Variants in PCDHA7 observed in about 807,000 individuals in gnomAD.
PCDHA7 encodes the protein protocadherin alpha-7.
A neutral mutation model predicts 57.2 loss-of-function variants in PCDHA7; 37 were observed. The observed-to-expected ratio is 0.65, with a 90% CI of 0.50 to 0.85. The LOEUF is 0.85. Ranked by LOEUF, PCDHA7 falls within the 40% of genes least tolerant of loss-of-function variation. The pLI, the probability that PCDHA7 is intolerant of heterozygous loss-of-function variation, is 0.00. For missense variants in PCDHA7, 1,188 were observed against 1,241.8 expected (o/e 0.96, Z 0.65); for synonymous variants, 553 against 558.8 (o/e 0.99, Z 0.15).
chr5:140,876,555 G>C (rs782622293), intron 1 of PCDHA7: 1 of 1,614,072 alleles, frequency 6.2e-7, no homozygotes, highest in African/African-American at 1.3e-5. Context: ...CTGTGCAAGA[G>C]GATGCTCAGG....
intron 1 of PCDHA7, chr5:140,870,518 A>G: frequency 6.2e-7 from 1 of 1,614,230 alleles, no homozygotes; most frequent in Admixed American, 1.7e-5. Context: ...CCAGGCTGCC[A>G]CATCTTCACA....
At chr5:140,901,716 G>A (rs555901106) in intron 1 of PCDHA7, among the ~76,000 whole-genome samples, 1 of 152,176 alleles carries the variant, frequency 6.6e-6, no homozygotes, top group South Asian at 2.1e-4. Flanking sequence ...TTTTCAGATT[G>A]TCTTTTCTAT....
At chr5:140,863,966 A>G (rs1411552186) in intron 1 of PCDHA7, 1 of 154,822 alleles carries the variant, frequency 6.5e-6, no homozygotes, top group Non-Finnish European at 1.4e-5. Context: ...AGGCCACTGC[A>G]CTACAGCCTG....
intron 1 of PCDHA7, chr5:140,841,926 G>C (rs1490008187): frequency 6.2e-7 from 1 of 1,613,806 alleles, no homozygotes; most frequent in African/African-American, 1.3e-5. Context: ...TCCTTGGACA[G>C]AGAGGACGCT....
At position 140,877,671 on chromosome 5, in the gene PCDHA7, G is replaced by T. The variant is rs138162923; in HGVS notation, c.2355+40933G>T. 2.5e-6 allele frequency: 4 copies of T among 1,613,620 alleles called. No individual in the cohort carries two copies. The South Asian group carries it at 3.3e-5, about 13-fold the overall frequency. On this transcript the variant is annotated intron_variant, in intron 1 of 3. Coordinates refer to ENST00000525929, the MANE Select transcript of PCDHA7 (RefSeq NM_018910.3). ...CGCCGCCCACCGTGAGCCGGTGCGC[G>T]CCGGGCAAGCCCACGCTGGTGTGCT...
chr5:140,886,603 G>A lies in PCDHA7; in HGVS notation c.2355+49865G>A, dbSNP rs781862855. Among the ~76,000 whole-genome samples, 8 of 152,090 alleles carry A rather than the reference G, an allele frequency of 5.3e-5. No individual in the cohort carries two copies. The East Asian group carries it at 1.2e-3, about 22-fold the overall frequency. ...AGCACTTTGGGAGGCCAAGGTGGGCGGATCAGGAGATCAGGAGTCCGAGAC... is the reference window on the plus strand; with the variant it reads ...AGCACTTTGGGAGGCCAAGGTGGGCAGATCAGGAGATCAGGAGTCCGAGAC... On this transcript the variant is annotated intron_variant, in intron 1 of 3. Coordinates refer to ENST00000525929, the MANE Select transcript of PCDHA7 (RefSeq NM_018910.3).
rs2150278849 is a variant in PCDHA7 at position 140,837,698 on chromosome 5, C to T, written c.2355+960C>T. ...CTTTTTTCTTTCTTCTTTCAAGACA[C>T]GCTCTCACTCCATCACCCAGGCTGC... On this transcript the variant is annotated intron_variant, in intron 1 of 3. Coordinates refer to ENST00000525929, the MANE Select transcript of PCDHA7 (RefSeq NM_018910.3). Among the ~76,000 whole-genome samples, 9 of 151,044 alleles carry T rather than the reference C, an allele frequency of 6.0e-5. No homozygotes were observed. In the East Asian group the frequency reaches 7.8e-4, roughly 13 times the overall value.
intron 3 of PCDHA7, among the ~76,000 whole-genome samples, chr5:140,983,431 G>T (rs947907651): frequency 5.3e-5 from 8 of 152,198 alleles, no homozygotes; most frequent in African/African-American, 1.9e-4. Flanking sequence ...ACCACAAATT[G>T]TGTCTACTCT....
chr5:140,839,939 G>T (rs1015505565), intron 1 of PCDHA7, among the ~76,000 whole-genome samples: 3 of 151,962 alleles, frequency 2.0e-5, no homozygotes, highest in Non-Finnish European at 4.4e-5. Context: ...AGTGTGCCAA[G>T]AAGGAGACAA....
At chr5:140,866,852 C>T (rs1004486221) in intron 1 of PCDHA7, 1 of 152,106 alleles carries the variant, frequency 6.6e-6, no homozygotes, top group Non-Finnish European at 1.5e-5. Flanking sequence ...TTAACAATAA[C>T]TGTATTGAAA....
chr5:140,966,166 C>T (rs1159533172), intron 1 of PCDHA7: 1 of 179,138 alleles, frequency 5.6e-6, no homozygotes, highest in Non-Finnish European at 1.2e-5. Flanking sequence ...GAGATCTTTT[C>T]CTGGGGAGCT....
chr5:140,948,461 A>G (rs2094256529), intron 1 of PCDHA7, among the ~76,000 whole-genome samples: 1 of 151,516 alleles, frequency 6.6e-6, no homozygotes, highest in Admixed American at 6.6e-5. Flanking sequence ...TCTTTTAGGG[A>G]AAGTTTCTGA....
At chr5:140,884,301 C>G (rs375535055) in intron 1 of PCDHA7, 2 of 1,613,726 alleles carry the variant, frequency 1.2e-6, no homozygotes, top group South Asian at 1.1e-5. Context: ...GCGCCACAGG[C>G]TTCGTCGAGG....
chr5:140,854,848 A>C (rs1384152430), intron 1 of PCDHA7, among the ~76,000 whole-genome samples: 2 of 149,876 alleles, frequency 1.3e-5, no homozygotes, highest in African/African-American at 4.9e-5. Flanking sequence ...ACATTGATAA[A>C]ATTACTAGAT....
In PCDHA7 at chr5:140,978,971, G is replaced by C. The variant is rs782774245; in HGVS notation, c.2378G>C (p.Trp793Ser). Residue 793 changes from tryptophan (W) to serine (S), a missense_variant, in exon 2 of 4, where the codon TGG (tryptophan) becomes TCG (serine). Trp to Ser is a radical substitution (Grantham distance 177). Transcript: ENST00000525929. ...CAGCCACGACAGCCCAACCCTGACT[G>C]GCGTTACTCTGCCTCCCTGAGAGCA... is the stretch of plus-strand genomic sequence containing the variant. ...TDNPRQPNPD[W>S]RYSASLRAGM... 6.2e-7 allele frequency: 1 copy of C among 1,614,170 alleles called. No homozygotes were observed. The highest frequency in any genetic ancestry group is 2.2e-5 in the East Asian group (1 of 44,882).
rs190030565 is a variant in PCDHA7, at chr5:140,999,153, C to T, written c.2504-10474C>T. Among the ~76,000 whole-genome samples, 42 of 152,242 alleles carry T rather than the reference C, an allele frequency of 2.8e-4. 1 individual carries two copies. In the East Asian group the frequency reaches 5.2e-3, roughly 19 times the overall value. Reference sequence around the variant, plus strand: ...AATGTCACAGCCGGAAGTCTTCAGTCCCCTAGAAGGAAAAGAGCCTGATGG... The same window carrying T: ...AATGTCACAGCCGGAAGTCTTCAGTTCCCTAGAAGGAAAAGAGCCTGATGG... On this transcript the variant is annotated intron_variant, in intron 3 of 3. Coordinates refer to ENST00000525929, the MANE Select transcript of PCDHA7 (RefSeq NM_018910.3).
At chr5:140,860,807 G>C (rs907238053) in intron 1 of PCDHA7, 3 of 152,116 alleles carry the variant, frequency 2.0e-5, no homozygotes. Context: ...GCACGATCTC[G>C]GCTCACTGCA....
At position 140,929,044 on chromosome 5, in the gene PCDHA7, T is replaced by C. The variant is rs17844369; in HGVS notation, c.2356-49905T>C. ...GAGCCCAGGCTGTTGCGCTCAGAGC[T>C]GCTGTCGCTCTACAGAGGATCTGAG... On this transcript the variant is annotated intron_variant, in intron 1 of 3. Coordinates refer to ENST00000525929, the MANE Select transcript of PCDHA7 (RefSeq NM_018910.3). 7 of 1,614,100 alleles carry C rather than the reference T, an allele frequency of 4.3e-6. No individual in the cohort carries two copies. The East Asian group carries it at 1.6e-4, about 36-fold the overall frequency.
At chr5:140,968,704 G>A (rs782208487) in intron 1 of PCDHA7, 6 of 1,614,002 alleles carry the variant, frequency 3.7e-6, no homozygotes, top group Admixed American at 1.7e-5. Context: ...GGACTACCAG[G>A]AAGATGGGAG....
Sources: gnomAD v4.1 joint callset for allele counts (sites outside exome capture counted in the v4.1 genomes callset) on GRCh38, gnomAD v4.1.1 for gene constraint, MANE v1.5 for transcripts, NCBI Gene and HGNC (gene_info 2026-07-23, HGNC 2026-07-21) for gene names.